RAPGEF5: variants seen among roughly 807,000 people sequenced by gnomAD.
The protein encoded by RAPGEF5 is Rap guanine nucleotide exchange factor 5.
RAPGEF5 carries 65 observed loss-of-function variants against 125.2 expected under a neutral mutation model. The observed-to-expected ratio is 0.52, with a 90% CI of 0.43 to 0.64. The LOEUF is 0.64. Ranked by LOEUF, RAPGEF5 falls within the 30% of genes least tolerant of loss-of-function variation. RAPGEF5 has a pLI of 0.00. For synonymous variants in RAPGEF5, 391 were observed against 385.9 expected (o/e 1.01, Z -0.16); for missense variants, 958 against 1,048.1 (o/e 0.91, Z 1.19).
chr7:22,273,120 G>C (rs1782475208), intron 6 of RAPGEF5, among the ~76,000 whole-genome samples: 1 of 151,758 alleles, frequency 6.6e-6, no homozygotes, highest in African/African-American at 2.4e-5. Context: ...CCCAATAACT[G>C]CTGTCATCAC....
At chr7:22,291,838 G>T (rs188977949) in intron 5 of RAPGEF5, among the ~76,000 whole-genome samples, 5 of 152,294 alleles carry the variant, frequency 3.3e-5, no homozygotes, top group African/African-American at 1.2e-4. Context: ...AATGAGATGT[G>T]TAACAATGTA....
At chr7:22,186,242 T>C (rs2158875) in intron 11 of RAPGEF5, among the ~76,000 whole-genome samples, 1 of 152,220 alleles carries the variant, frequency 6.6e-6, no homozygotes, top group African/African-American at 2.4e-5. Flanking sequence ...CAAATGCAGA[T>C]TCTATGGGTT....
chr7:22,241,749 T>A (rs1786336999), intron 7 of RAPGEF5, among the ~76,000 whole-genome samples: 1 of 152,150 alleles, frequency 6.6e-6, no homozygotes, highest in South Asian at 2.1e-4. Flanking sequence ...ATGGGATGGT[T>A]TTCCTCGTCA....
rs568828245 is a variant in RAPGEF5, at chr7:22,290,578, T to C, written c.747+597A>G. Reference sequence around the variant, plus strand: ...GGCTAAAACGGTGAAACCCCGTCTCTACTAAAAATACAAAAAATTAGCCGG... The same window carrying C: ...GGCTAAAACGGTGAAACCCCGTCTCCACTAAAAATACAAAAAATTAGCCGG... On this transcript the variant is annotated intron_variant, in intron 6 of 25. Coordinates refer to ENST00000665637, the MANE Select transcript of RAPGEF5 (RefSeq NM_012294.5). Among the ~76,000 whole-genome samples the C allele has an allele frequency of 7.2e-5, 11 of 152,026 alleles. No homozygotes were observed. In the East Asian group the frequency reaches 1.7e-3, roughly 24 times the overall value.
chr7:22,149,983 T>C (rs998194599), intron 18 of RAPGEF5, among the ~76,000 whole-genome samples: 1 of 152,014 alleles, frequency 6.6e-6, no homozygotes, highest in Non-Finnish European at 1.5e-5. Context: ...TACTTGGGAA[T>C]TGTATCATTG....
intron 9 of RAPGEF5, among the ~76,000 whole-genome samples, chr7:22,218,186 T>C (rs1032907830): frequency 4.0e-5 from 6 of 151,390 alleles, no homozygotes; most frequent in Non-Finnish European, 5.9e-5. Context: ...TTGAAGAGTA[T>C]TATAATCTCA....
At chr7:22,180,052 C>A (rs1445181528) in intron 11 of RAPGEF5, among the ~76,000 whole-genome samples, 1 of 152,200 alleles carries the variant, frequency 6.6e-6, no homozygotes, top group African/African-American at 2.4e-5. Context: ...TGAATTACTT[C>A]TTGCGTGAGA....
In RAPGEF5 at chr7:22,197,896, G is replaced by GGGGT. The variant is rs374202709; in HGVS notation, c.997-3864_997-3863insACCC. On this transcript the variant is annotated intron_variant, in intron 9 of 25. Transcript: ENST00000665637. ...AAATCTCTTTTTTCTTTTTTTTTGG[G>GGGGT]GGGGGGTGGTAGGAGGACATTCTCA... 6.5e-4 allele frequency among the ~76,000 whole-genome samples: 95 copies of GGGGT among 146,462 alleles called. 2 individuals carry two copies. The highest frequency in any genetic ancestry group is 1.6e-3 in the African/African-American group (62 of 39,646).
At chr7:22,181,928 A>G (rs1784686586) in intron 11 of RAPGEF5, among the ~76,000 whole-genome samples, 1 of 152,184 alleles carries the variant, frequency 6.6e-6, no homozygotes, top group Non-Finnish European at 1.5e-5. Flanking sequence ...CACACAAAGA[A>G]TATCTCTTTT....
At chr7:22,348,275 G>C (rs1180167151) in intron 1 of RAPGEF5, among the ~76,000 whole-genome samples, 1 of 152,238 alleles carries the variant, frequency 6.6e-6, no homozygotes, top group East Asian at 1.9e-4. Flanking sequence ...GGTAATCATA[G>C]TGCATTAAAA....
At chr7:22,191,373 A>G (rs1262473125) in intron 11 of RAPGEF5, 2 of 346,338 alleles carry the variant, frequency 5.8e-6, no homozygotes, top group Non-Finnish European at 5.8e-6. Context: ...ATTTTCTCCA[A>G]AGTTGACTTT....
chr7:22,135,829 T>C (rs3901282), intron 23 of RAPGEF5, among the ~76,000 whole-genome samples: 62,754 of 151,780 alleles, frequency 0.41, 12,998 homozygotes, highest in African/African-American at 0.46. Flanking sequence ...TGAAAATGCT[T>C]TGGTGTCTGC....
intron 7 of RAPGEF5, among the ~76,000 whole-genome samples, chr7:22,244,677 T>C (rs1323138926): frequency 6.6e-6 from 1 of 152,150 alleles, no homozygotes; most frequent in Non-Finnish European, 1.5e-5. Context: ...CAGTAAATAA[T>C]GTGCTTGAAT....
chr7:22,263,517 G>A (rs773333286), intron 7 of RAPGEF5, among the ~76,000 whole-genome samples: 1 of 152,070 alleles, frequency 6.6e-6, no homozygotes, highest in Non-Finnish European at 1.5e-5. Context: ...ATCACCTGAG[G>A]TCAAGAGTTC....
At chr7:22,356,797 C>T in intron 1 of RAPGEF5, 33 bp downstream of exon 1, 2 of 1,122,588 alleles carry the variant, frequency 1.8e-6, no homozygotes, top group East Asian at 4.0e-5. Flanking sequence ...TGCGCGCCGC[C>T]CGTGCCCACT....
intron 8 of RAPGEF5, among the ~76,000 whole-genome samples, chr7:22,222,949 G>C (rs1785828006): frequency 6.7e-6 from 1 of 148,760 alleles, no homozygotes; most frequent in Non-Finnish European, 1.5e-5. Flanking sequence ...TATTTGGTTT[G>C]AGTAACTGAA....
intron 8 of RAPGEF5, among the ~76,000 whole-genome samples, chr7:22,220,427 C>A (rs1477957741): frequency 1.3e-5 from 2 of 152,134 alleles, no homozygotes; most frequent in African/African-American, 4.8e-5. Flanking sequence ...CACCCCAATT[C>A]TTTAGCTCCA....
At position 22,145,784 on chromosome 7, in the gene RAPGEF5, G is replaced by A. The variant is rs558463438; in HGVS notation, c.2008-562C>T. Among the ~76,000 whole-genome samples the A allele has an allele frequency of 1.4e-4, 22 of 152,218 alleles. No individual in the cohort carries two copies. In the East Asian group the frequency reaches 4.2e-3, roughly 29 times the overall value. ...GTGCCCAAGTCCCGCTGATGATGCT[G>A]GTCTGAGTACCTGCTCTTTAAAAAC... On this transcript the variant is annotated intron_variant, in intron 19 of 25. Transcript: ENST00000665637.
chr7:22,129,909 A>G (rs1583387545), intron 24 of RAPGEF5, among the ~76,000 whole-genome samples: 1 of 151,986 alleles, frequency 6.6e-6, no homozygotes, highest in African/African-American at 2.4e-5. Context: ...TTCACCCTAC[A>G]TGTGGGGAGT....
Sources: allele counts gnomAD v4.1 joint callset (sites outside exome capture counted in the v4.1 genomes callset), GRCh38; gene constraint gnomAD v4.1.1; transcripts MANE v1.5; gene names NCBI Gene and HGNC (gene_info 2026-07-23, HGNC 2026-07-21).